CERS3: variants seen among roughly 807,000 people sequenced by gnomAD.
CERS3 encodes ceramide synthase 3.
In CERS3, 33 loss-of-function variants were observed where a neutral mutation model predicts 50.3. That is an observed-to-expected ratio of 0.66 (90% CI 0.50 to 0.88). The LOEUF (loss-of-function observed/expected upper bound fraction) is 0.88. Ranked by LOEUF, CERS3 falls within the 40% of genes least tolerant of loss-of-function variation. CERS3 has a pLI of 0.00. For synonymous variants in CERS3, 176 were observed against 155.2 expected, an observed-to-expected ratio of 1.13 and a Z score of -0.99; for missense variants, 470 against 460.3, an observed-to-expected ratio of 1.02 and a Z score of -0.19.
At chr15:100,516,745 A>C (rs986057396) in intron 2 of CERS3, among the ~76,000 whole-genome samples, 5 of 152,212 alleles carry the variant, frequency 3.3e-5, no homozygotes, top group South Asian at 2.1e-4. Flanking sequence ...TTCAGTAAGG[A>C]AAGCCCACAT....
intron 7 of CERS3, among the ~76,000 whole-genome samples, chr15:100,476,776 T>C (rs567272554): frequency 1.1e-3 from 166 of 152,300 alleles, no homozygotes; most frequent in African/African-American, 3.9e-3. Context: ...AGTTGAGACA[T>C]TATATTACTT....
intron 1 of CERS3, among the ~76,000 whole-genome samples, chr15:100,543,308 G>A (rs190146153): frequency 4.6e-5 from 7 of 152,274 alleles, no homozygotes; most frequent in East Asian, 1.9e-4. Context: ...GCACACTTAC[G>A]CTGCCCAAAC....
intron 11 of CERS3, among the ~76,000 whole-genome samples, chr15:100,406,669 A>G (rs2031052277): frequency 6.6e-6 from 1 of 152,182 alleles, no homozygotes; most frequent in Admixed American, 6.5e-5. Flanking sequence ...CCAGGATCAA[A>G]AGCACTCCCT....
intron 11 of CERS3, among the ~76,000 whole-genome samples, chr15:100,437,127 A>T (rs1047357634): frequency 6.6e-6 from 1 of 151,810 alleles, no homozygotes; most frequent in Non-Finnish European, 1.5e-5. Context: ...TTGTATTTTT[A>T]GTAGAGACAG....
At chr15:100,403,576 G>T (rs2030730548) in intron 11 of CERS3, among the ~76,000 whole-genome samples, 1 of 152,144 alleles carries the variant, frequency 6.6e-6, no homozygotes, top group African/African-American at 2.4e-5. Context: ...TATAGATACT[G>T]CAGACAATAT....
intron 11 of CERS3, among the ~76,000 whole-genome samples, chr15:100,449,113 C>T (rs2034057003): frequency 6.6e-6 from 1 of 152,222 alleles, no homozygotes; most frequent in Non-Finnish European, 1.5e-5. Flanking sequence ...CCTCCCCCTA[C>T]TGCCCAAGTA....
chr15:100,479,648 C>T (rs955394624), intron 6 of CERS3, among the ~76,000 whole-genome samples, 170 bp from the exon 7 acceptor site: 1 of 152,092 alleles, frequency 6.6e-6, no homozygotes, highest in Non-Finnish European at 1.5e-5. Context: ...ACGTATTTCT[C>T]CCTCTGTAGA....
chr15:100,467,742 TCATTCTCTC>T lies in CERS3; in HGVS notation c.845+1627_845+1635del, dbSNP rs778884274. Among the ~76,000 whole-genome samples, 1,221 of 136,492 alleles carry T rather than the reference TCATTCTCTC, an allele frequency of 8.9e-3. 12 individuals carry two copies. Among genetic ancestry groups the T allele is most frequent in the East Asian group, 0.018 (85 of 4,716 alleles). 89.5% of individuals were successfully genotyped at this position (136,492 alleles called of 152,430 possible). The stretch of plus-strand genomic sequence containing the variant: ...AATATTATTCTATCAATAATTGCTA[TCATTCTCTC>T]TCTCTCTCTCTCTCTCTCTATATAT... On this transcript the variant is annotated intron_variant, in intron 10 of 11. Coordinates refer to ENST00000679737, the MANE Select transcript of CERS3 (RefSeq NM_001378789.1).
At chr15:100,450,235 A>G (rs1045769786) in intron 11 of CERS3, among the ~76,000 whole-genome samples, 1 of 152,068 alleles carries the variant, frequency 6.6e-6, no homozygotes, top group Non-Finnish European at 1.5e-5. Flanking sequence ...TCTGGCCAAC[A>G]TGGTGAAACC....
At chr15:100,502,251 G>GAAAAAAAAAAAAAA (rs58654483) in intron 2 of CERS3, among the ~76,000 whole-genome samples, 5 of 113,680 alleles carry the variant, frequency 4.4e-5, no homozygotes, top group Admixed American at 1.1e-4. Context: ...CTCAAAAAAA[G>GAAAAAAAAAAAAAA]AAAAAAAAAA....
intron 2 of CERS3, among the ~76,000 whole-genome samples, chr15:100,521,309 G>A (rs1010797207): frequency 1.3e-5 from 2 of 152,138 alleles, no homozygotes; most frequent in African/African-American, 4.8e-5. Context: ...GTAAGACGCT[G>A]GAAGCTAGAG....
intron 5 of CERS3, among the ~76,000 whole-genome samples, chr15:100,481,360 C>A (rs961252770): frequency 6.6e-6 from 1 of 152,108 alleles, no homozygotes; most frequent in Non-Finnish European, 1.5e-5. Flanking sequence ...AAAGTTGAAC[C>A]ATAAAAATAT....
At chr15:100,524,632 T>C (rs1457885163) in intron 1 of CERS3, among the ~76,000 whole-genome samples, 1 of 152,332 alleles carries the variant, frequency 6.6e-6, no homozygotes, top group East Asian at 1.9e-4. Flanking sequence ...TGACATTTGT[T>C]CAGCATCAGC....
intron 11 of CERS3, among the ~76,000 whole-genome samples, chr15:100,409,316 A>T (rs1461596000): frequency 2.0e-5 from 3 of 152,224 alleles, no homozygotes; most frequent in Admixed American, 6.5e-5. Context: ...TTTCATTTTT[A>T]AAATGATGGT....
chr15:100,532,609 A>G (rs2142415398), upstream of CERS3, among the ~76,000 whole-genome samples: 1 of 152,152 alleles, frequency 6.6e-6, no homozygotes, highest in Non-Finnish European at 1.5e-5. Flanking sequence ...CTACAAGAAA[A>G]AAAAAAAATA....
chr15:100,466,808 CCTCCCTCCCTCT>C (rs1567638558), intron 10 of CERS3, among the ~76,000 whole-genome samples: 1 of 21,000 alleles, frequency 4.8e-5, no homozygotes, highest in African/African-American at 1.0e-4. Context: ...TCCCTCCCTC[CCTCCCTCCCTCT>C]CTCCCTCTCT....
At chr15:100,453,182 A>T (rs1320452556) in intron 11 of CERS3, among the ~76,000 whole-genome samples, 2 of 152,094 alleles carry the variant, frequency 1.3e-5, no homozygotes, top group Non-Finnish European at 2.9e-5. Flanking sequence ...TCAAAACCAG[A>T]CAAGGACCCA....
At chr15:100,464,537 G>A (rs1168490611) in intron 10 of CERS3, among the ~76,000 whole-genome samples, 2 of 152,204 alleles carry the variant, frequency 1.3e-5, no homozygotes, top group African/African-American at 2.4e-5. Flanking sequence ...ACCTACCTGC[G>A]TGGAACCACG....
intron 11 of CERS3, among the ~76,000 whole-genome samples, chr15:100,411,002 C>A (rs976465825): frequency 9.2e-5 from 14 of 152,318 alleles, no homozygotes; most frequent in African/African-American, 3.4e-4. Flanking sequence ...TGGCAACCAC[C>A]ATTCCACTTT....
Sources: allele counts gnomAD v4.1 joint callset (sites outside exome capture counted in the v4.1 genomes callset), GRCh38; gene constraint gnomAD v4.1.1; transcripts MANE v1.5; gene names NCBI Gene and HGNC (gene_info 2026-07-23, HGNC 2026-07-21).